TMEM67: variants seen among roughly 807,000 people sequenced by gnomAD.
The protein encoded by TMEM67 is transmembrane protein 67.
A neutral mutation model predicts 136.6 loss-of-function variants in TMEM67; 124 were observed. That is an observed-to-expected ratio of 0.91 (90% CI 0.78 to 1.05). The LOEUF is 1.05. TMEM67 is among the 50% of genes least tolerant of loss of function. TMEM67 has a pLI of 0.00. For missense variants in TMEM67, 1,107 were observed against 1,178.4 expected, an observed-to-expected ratio of 0.94 and a Z score of 0.89; for synonymous variants, 364 against 390.5, an observed-to-expected ratio of 0.93 and a Z score of 0.80.
intron 13 of TMEM67, 30 bp from the exon 14 acceptor site, chr8:93,787,814 A>T: frequency 6.6e-7 from 1 of 1,512,382 alleles, no homozygotes; most frequent in Non-Finnish European, 9.2e-7. Context: ...GGATATACTG[A>T]TTACTATAAA....
At chr8:93,787,812 T>C (rs775818969) in intron 13 of TMEM67, 32 bp from the exon 14 acceptor site, 4 of 1,503,036 alleles carry the variant, frequency 2.7e-6, no homozygotes, top group Non-Finnish European at 2.8e-6. Context: ...CCGGATATAC[T>C]GATTACTATA....
At chr8:93,823,467 ACTAT>A (rs771753237), downstream of TMEM67, among the ~76,000 whole-genome samples, 44 of 151,834 alleles carry the variant, frequency 2.9e-4, 1 homozygote, top group Admixed American at 2.1e-3. Context: ...AATATAGAAC[ACTAT>A]CTATCTGTAG....
In TMEM67 at chr8:93,817,054, A is replaced by G. The variant is rs958565827; in HGVS notation, c.*602A>G. ...ATGATATCTTTTCATTCCTTTGTAT[A>G]CCTGTATTAGGTCAGTATACGCTTT... On this transcript the variant is annotated 3_prime_UTR_variant, in exon 28 of 28. Transcript: ENST00000453321. The G allele has an allele frequency of 2.6e-5, 4 of 152,318 alleles. No individual in the cohort carries two copies. Among genetic ancestry groups the G allele is most frequent in the African/African-American group, 9.6e-5 (4 of 41,452 alleles). 9.4% of individuals were successfully genotyped at this position (152,318 alleles called of 1,614,324 possible).
At chr8:93,766,636 G>A (rs781490196) in intron 6 of TMEM67, among the ~76,000 whole-genome samples, 4 of 152,110 alleles carry the variant, frequency 2.6e-5, no homozygotes, top group Non-Finnish European at 5.9e-5. Context: ...CCAGAGTTTG[G>A]GGTGGACAGG....
At chr8:93,773,652 T>C (rs1459340678) in intron 7 of TMEM67, among the ~76,000 whole-genome samples, 1 of 152,122 alleles carries the variant, frequency 6.6e-6, no homozygotes, top group Non-Finnish European at 1.5e-5. Context: ...ACTGTAAAAA[T>C]GGAATTGCCT....
intron 23 of TMEM67, among the ~76,000 whole-genome samples, chr8:93,808,464 T>TATATATAATAGATCTATTATAG (rs1808518385): frequency 1.7e-5 from 1 of 60,166 alleles, no homozygotes; most frequent in Admixed American, 2.0e-4. Context: ...AATATATATT[T>TATATATAATAGATCTATTATAG]ATCTATTATA....
At chr8:93,758,842 TC>T in intron 3 of TMEM67, 1 of 394,192 alleles carries the variant, frequency 2.5e-6, no homozygotes, top group Non-Finnish European at 4.6e-6. Flanking sequence ...CGAGAGATCT[TC>T]CTGCCTCAGC....
the TMEM67 span, among the ~76,000 whole-genome samples, chr8:93,829,386 G>C: frequency 3.8e-4 from 56 of 147,708 alleles, no homozygotes; most frequent in African/African-American, 1.1e-3. Context: ...CTCTCTCTGT[G>C]TGTGTGTGTG....
rs1281778614 is a variant in TMEM67 at position 93,795,448 on chromosome 8, G to T, written c.1714G>T (p.Ala572Ser). ...KFLVYYAGDL[A>S]NVFFIITVGT... ...CTTGGTGTACTATGCTGGTGATCTGGCCAATGTTTTCTTTATCATCACAGT... is the reference window on the plus strand; with the variant it reads ...CTTGGTGTACTATGCTGGTGATCTGTCCAATGTTTTCTTTATCATCACAGT... The change falls in exon 17 of 28, where the codon GCC becomes TCC. Residue 572 changes from alanine to serine, a missense_variant. Physicochemically the swap from Ala to Ser is moderately conservative, Grantham distance 99. Around this residue, in one of 3 missense-constraint regions of TMEM67, gnomAD observed 925 missense variants for 1,002.4 expected, o/e 0.92. Transcript: ENST00000453321. 1 of 1,613,936 alleles carries T rather than the reference G, an allele frequency of 6.2e-7. No homozygotes were observed. Among genetic ancestry groups the T allele is most frequent in the African/African-American group, 1.3e-5 (1 of 74,982 alleles).
chr8:93,817,416 T>C lies in TMEM67; in HGVS notation c.*964T>C, dbSNP rs1808951968. ...TGTGGTGGCCTGTAATCCCAGCTAT[T>C]TGGGAGGCTGAGGCATGAGAATAGC... On this transcript the variant is annotated 3_prime_UTR_variant, in exon 28 of 28. Coordinates refer to ENST00000453321, the MANE Select transcript of TMEM67 (RefSeq NM_153704.6). The C allele has an allele frequency of 6.6e-6, 1 of 152,156 alleles. No homozygotes were observed. Among genetic ancestry groups the C allele is most frequent in the Non-Finnish European group, 1.5e-5 (1 of 68,062 alleles). 9.4% of individuals were successfully genotyped at this position (152,156 alleles called of 1,614,324 possible). A position where few individuals can be genotyped will look rare whatever the true frequency, so the allele number is the denominator to read the frequency against.
At chr8:93,781,113 A>G in intron 9 of TMEM67, 131 bp downstream of exon 9, 1 of 686,418 alleles carries the variant, frequency 1.5e-6, no homozygotes, top group Admixed American at 2.3e-5. Context: ...ATAAATGTCA[A>G]CAACTCATAA....
chr8:93,804,024 A>C (rs1327953032), intron 22 of TMEM67, among the ~76,000 whole-genome samples: 1 of 151,478 alleles, frequency 6.6e-6, no homozygotes, highest in Non-Finnish European at 1.5e-5. Flanking sequence ...ACAGGTGTGC[A>C]CCACTATGCT....
chr8:93,813,437 C>T (rs1808779224), intron 26 of TMEM67, among the ~76,000 whole-genome samples: 1 of 152,186 alleles, frequency 6.6e-6, no homozygotes, highest in African/African-American at 2.4e-5. Context: ...CCTCGGCCTC[C>T]CAAAGTGCTG....
At chr8:93,787,726 C>T in intron 13 of TMEM67, 118 bp from the exon 14 acceptor site, 1 of 798,352 alleles carries the variant, frequency 1.3e-6, no homozygotes, top group Admixed American at 2.0e-5. Flanking sequence ...TCCTTGTTAA[C>T]TACTTGGTTC....
chr8:93,805,353 G>T (rs1237782968), intron 23 of TMEM67, among the ~76,000 whole-genome samples: 1 of 152,104 alleles, frequency 6.6e-6, no homozygotes, highest in Admixed American at 6.5e-5. Flanking sequence ...GGAGGCCGAG[G>T]TGGGCAGATC....
intron 11 of TMEM67, among the ~76,000 whole-genome samples, chr8:93,782,850 C>T (rs1038435227): frequency 1.3e-5 from 2 of 152,122 alleles, no homozygotes; most frequent in African/African-American, 4.8e-5. Context: ...GCTGAGATTA[C>T]AGGCATGAGC....
rs1813838328 is a variant in TMEM67 at position 93,781,729 on chromosome 8, A to G, written c.1050A>G (p.Glu350=). The G allele has an allele frequency of 6.2e-7, 1 of 1,605,268 alleles. No individual in the cohort carries two copies. Among genetic ancestry groups the G allele is most frequent in the African/African-American group, 1.3e-5 (1 of 74,736 alleles). ...RGNFLKWQTL[E]GGVLQLCPDT... is the part of the protein sequence containing the mutation. Reference sequence around the variant, plus strand: ...ATTTTCTCAAGTGGCAAACTTTAGAAGGAGGTGTTTTACAGGTAAGCATGA... The same window carrying G: ...ATTTTCTCAAGTGGCAAACTTTAGAGGGAGGTGTTTTACAGGTAAGCATGA... The change falls in exon 10 of 28, where the codon GAA becomes GAG. Residue 350 remains glutamate (E), a synonymous_variant. Coordinates refer to ENST00000453321, the MANE Select transcript of TMEM67 (RefSeq NM_153704.6).
At chr8:93,786,142 C>A in intron 12 of TMEM67, 81 bp from the exon 13 acceptor site, 1 of 1,408,644 alleles carries the variant, frequency 7.1e-7, no homozygotes, top group South Asian at 1.2e-5. Flanking sequence ...ATACTAGTAG[C>A]TTTTTGCAGC....
chr8:93,798,282 C>G (rs1382154525), intron 20 of TMEM67, among the ~76,000 whole-genome samples: 4 of 152,244 alleles, frequency 2.6e-5, no homozygotes, highest in African/African-American at 9.6e-5. Flanking sequence ...CCCTTAGAGA[C>G]TATGTGTTGA....
Sources: allele counts gnomAD v4.1 joint callset (sites outside exome capture counted in the v4.1 genomes callset), GRCh38; gene constraint gnomAD v4.1.1; regional missense constraint gnomAD v4.1.1; transcripts MANE v1.5; gene names NCBI Gene and HGNC (gene_info 2026-07-23, HGNC 2026-07-21).